FNBP1: variants seen among roughly 807,000 people sequenced by gnomAD.
The protein encoded by FNBP1 is formin-binding protein 1.
In FNBP1, 26 loss-of-function variants were observed where a neutral mutation model predicts 90.6. The ratio of observed to expected loss-of-function variants is 0.29; its 90% CI spans 0.21 to 0.40. The LOEUF is 0.40. Among genes scored for constraint, FNBP1 ranks in the 10% least tolerant of loss-of-function variants. FNBP1 has a pLI of 1.00. For missense variants in FNBP1, 635 were observed against 768.0 expected (o/e 0.83, Z 2.05); for synonymous variants, 260 against 265.2 (o/e 0.98, Z 0.19).
intron 15 of FNBP1, among the ~76,000 whole-genome samples, chr9:129,896,387 T>TG (rs1055690096): frequency 1.3e-5 from 2 of 151,940 alleles, no homozygotes; most frequent in African/African-American, 2.4e-5. Context: ...TGTTATTTTT[T>TG]GGGGGGGTTG....
chr9:129,922,353 A>G (rs2041239861), intron 10 of FNBP1, among the ~76,000 whole-genome samples: 2 of 152,224 alleles, frequency 1.3e-5, no homozygotes, highest in Admixed American at 6.5e-5. Flanking sequence ...GCGGACTTCA[A>G]TCTTAATAAC....
intron 6 of FNBP1, among the ~76,000 whole-genome samples, chr9:129,943,578 G>A (rs113314907): frequency 0.037 from 5,635 of 151,970 alleles, 100 homozygotes; most frequent in South Asian, 0.07. Flanking sequence ...GTAGAGATGC[G>A]GTTTCGCCAT....
chr9:129,965,251 A>G (rs1307058292), intron 4 of FNBP1, among the ~76,000 whole-genome samples: 1 of 152,250 alleles, frequency 6.6e-6, no homozygotes, highest in African/African-American at 2.4e-5. Context: ...ACTAAGGGAC[A>G]CACATTCTAT....
intron 1 of FNBP1, among the ~76,000 whole-genome samples, chr9:130,014,647 A>G (rs909628858): frequency 1.1e-4 from 16 of 152,044 alleles, no homozygotes; most frequent in Admixed American, 2.0e-4. Flanking sequence ...ATTTTCATAC[A>G]TTCTTTTGTA....
At chr9:129,920,272 C>G (rs2040883622) in intron 10 of FNBP1, among the ~76,000 whole-genome samples, 1 of 152,006 alleles carries the variant, frequency 6.6e-6, no homozygotes, top group Non-Finnish European at 1.5e-5. Context: ...TCAAAAGAAC[C>G]AGTTTCCGAT....
intron 11 of FNBP1, chr9:129,910,020 A>G: frequency 7.8e-6 from 3 of 386,948 alleles, no homozygotes; most frequent in South Asian, 3.7e-5. Context: ...CTGCATTTTG[A>G]TATCTTGATT....
intron 4 of FNBP1, among the ~76,000 whole-genome samples, chr9:129,973,685 T>C (rs1321797093): frequency 6.7e-6 from 1 of 148,858 alleles, no homozygotes; most frequent in Non-Finnish European, 1.5e-5. Context: ...TTTTTTTTTT[T>C]AGTAGAGACG....
chr9:129,889,747 AGGCGTG>A lies in FNBP1; in HGVS notation c.*786_*791del, dbSNP rs1439125318. ...GGGACAGGAAAGTGATGGGGAGGAC[AGGCGTG>A]GGCTCCTCATGGCCGGTGGACACAG... On this transcript the variant is annotated 3_prime_UTR_variant, in exon 17 of 17. Transcript: ENST00000446176. 3 of 232,114 alleles carry A rather than the reference AGGCGTG, an allele frequency of 1.3e-5. No homozygotes were observed. Among genetic ancestry groups the A allele is most frequent in the Non-Finnish European group, 2.6e-5 (3 of 117,412 alleles). 14.4% of individuals were successfully genotyped at this position (232,114 alleles called of 1,614,324 possible).
At chr9:129,938,025 G>A (rs894499185) in intron 6 of FNBP1, among the ~76,000 whole-genome samples, 1 of 152,038 alleles carries the variant, frequency 6.6e-6, no homozygotes, top group Non-Finnish European at 1.5e-5. Context: ...TTAGTCGAGT[G>A]TGGTGGTGCG....
intron 12 of FNBP1, 87 bp downstream of exon 12, chr9:129,908,803 G>T (rs972044287): frequency 6.3e-6 from 5 of 798,256 alleles, no homozygotes; most frequent in Non-Finnish European, 8.4e-6. Flanking sequence ...TCCACCCACC[G>T]CAGCCTCCCA....
chr9:129,933,244 C>A (rs936744111), intron 6 of FNBP1, among the ~76,000 whole-genome samples: 4 of 152,152 alleles, frequency 2.6e-5, no homozygotes, highest in Non-Finnish European at 5.9e-5. Flanking sequence ...CATACACACA[C>A]ACACAACCCA....
intron 4 of FNBP1, among the ~76,000 whole-genome samples, chr9:129,974,408 A>G (rs1030343637): frequency 3.3e-5 from 5 of 151,344 alleles, no homozygotes; most frequent in Admixed American, 2.6e-4. Context: ...GCATGAGGCT[A>G]AACACTCGGC....
the FNBP1 span, among the ~76,000 whole-genome samples, chr9:130,051,578 G>A: frequency 6.6e-6 from 1 of 152,194 alleles, no homozygotes; most frequent in Non-Finnish European, 1.5e-5. Flanking sequence ...AATTTGGTAA[G>A]CCGAGGTGAG....
At chr9:129,914,953 T>C (rs1260579934) in intron 11 of FNBP1, 1 of 441,904 alleles carries the variant, frequency 2.3e-6, no homozygotes, top group South Asian at 1.7e-5. Flanking sequence ...ATTTGAAGTA[T>C]AGTTATAGGT....
chr9:129,962,505 C>T (rs945506757), intron 4 of FNBP1, among the ~76,000 whole-genome samples: 1 of 152,188 alleles, frequency 6.6e-6, no homozygotes, highest in Non-Finnish European at 1.5e-5. Context: ...TCGTCAGAAC[C>T]TAGGATTTAG....
chr9:129,983,886 A>G (rs1253232363), intron 2 of FNBP1, among the ~76,000 whole-genome samples: 1 of 152,202 alleles, frequency 6.6e-6, no homozygotes, highest in African/African-American at 2.4e-5. Context: ...ACTTAAAAAA[A>G]CTTTTGATTT....
intron 1 of FNBP1, among the ~76,000 whole-genome samples, chr9:130,000,437 T>C (rs1254799046): frequency 6.6e-6 from 1 of 152,094 alleles, no homozygotes; most frequent in Admixed American, 6.6e-5. Flanking sequence ...GTTGCTGATC[T>C]CGGCTGAGCT....
At chr9:129,923,396 T>C (rs1010334922) in intron 10 of FNBP1, among the ~76,000 whole-genome samples, 1 of 151,760 alleles carries the variant, frequency 6.6e-6, no homozygotes, top group Non-Finnish European at 1.5e-5. Flanking sequence ...CTGGCCAACA[T>C]GATGAAATGC....
chr9:129,956,538 T>C (rs961030776), intron 6 of FNBP1, among the ~76,000 whole-genome samples: 7 of 152,228 alleles, frequency 4.6e-5, no homozygotes, highest in Admixed American at 2.0e-4. Flanking sequence ...ATAATATTTC[T>C]AGTTGGCAAT....
Sources: allele counts gnomAD v4.1 joint callset (sites outside exome capture counted in the v4.1 genomes callset), GRCh38; gene constraint gnomAD v4.1.1; transcripts MANE v1.5; gene names NCBI Gene and HGNC (gene_info 2026-07-23, HGNC 2026-07-21).